The following SLC9A7 variants were observed in gnomAD, a reference collection of about 807,000 sequenced individuals.
SLC9A7 encodes the protein solute carrier family 9 member A7, also known as sodium/hydrogen exchanger 7.
SLC9A7 carries 19 observed loss-of-function variants against 52.6 expected under a neutral mutation model. The observed-to-expected ratio is 0.36, with a 90% CI of 0.25 to 0.53. The LOEUF (loss-of-function observed/expected upper bound fraction) is 0.53. Ranked by LOEUF, SLC9A7 falls within the 20% of genes least tolerant of loss-of-function variation. The pLI, the probability that SLC9A7 is intolerant of heterozygous loss-of-function variation, is 0.91. For missense variants in SLC9A7, 455 were observed against 597.9 expected, an observed-to-expected ratio of 0.76 and a Z score of 2.49; for synonymous variants, 226 against 252.1, an observed-to-expected ratio of 0.90 and a Z score of 0.98.
intron 6 of SLC9A7, among the ~76,000 whole-genome samples, 170 bp from the exon 7 acceptor site, chrX:46,662,327 T>A (rs1680076270): frequency 8.9e-6 from 1 of 112,168 alleles, no homozygotes; most frequent in Admixed American, 9.5e-5. Context: ...TTCATTTAAT[T>A]TAATCTGCAG....
chrX:46,695,270 C>A (rs1944433811), intron 1 of SLC9A7, among the ~76,000 whole-genome samples: 2 of 112,661 alleles, frequency 1.8e-5, no homozygotes, highest in South Asian at 7.2e-4. Context: ...ATGTGCGATC[C>A]TTTTCCAGTA....
chrX:46,664,071 C>T (rs1036734403), intron 5 of SLC9A7, among the ~76,000 whole-genome samples: 2 of 111,548 alleles, frequency 1.8e-5, no homozygotes, highest in African/African-American at 6.5e-5. Flanking sequence ...GGGGCAATAT[C>T]GCCCCTGACT....
chrX:46,676,786 G>A (rs1445779703), intron 3 of SLC9A7, among the ~76,000 whole-genome samples: 4 of 111,085 alleles, frequency 3.6e-5, no homozygotes. Context: ...GATGACCCTG[G>A]CAACCCCAGA....
At chrX:46,636,992 A>G (rs1259428467) in intron 12 of SLC9A7, among the ~76,000 whole-genome samples, 1 of 112,320 alleles carries the variant, frequency 8.9e-6, no homozygotes, top group Admixed American at 9.4e-5. Flanking sequence ...AAAACAAGCC[A>G]GATTCCTTAA....
intron 1 of SLC9A7, among the ~76,000 whole-genome samples, chrX:46,737,341 T>C (rs904868684): frequency 1.8e-5 from 2 of 111,937 alleles, no homozygotes; most frequent in South Asian, 3.7e-4. Flanking sequence ...AGCAATTCAT[T>C]ACAAATTTCT....
At chrX:46,726,240 C>A (rs1944944018) in intron 1 of SLC9A7, among the ~76,000 whole-genome samples, 1 of 110,621 alleles carries the variant, frequency 9.0e-6, no homozygotes, top group African/African-American at 3.3e-5. Context: ...GGTAACAGAG[C>A]AAGACCCTGT....
At chrX:46,757,748 G>C (rs1480218701) in intron 1 of SLC9A7, among the ~76,000 whole-genome samples, 2 of 66,739 alleles carry the variant, frequency 3.0e-5, no homozygotes, top group Admixed American at 3.4e-4. Context: ...GGCAGGGCGA[G>C]GGGGGAGGCA....
chrX:46,716,358 A>G (rs1240219381), intron 1 of SLC9A7, among the ~76,000 whole-genome samples: 3 of 112,115 alleles, frequency 2.7e-5, no homozygotes, highest in Admixed American at 1.9e-4. Context: ...ACAAACATTG[A>G]TAAACCAAGA....
At chrX:46,699,260 A>G (rs993499452) in intron 1 of SLC9A7, among the ~76,000 whole-genome samples, 4 of 112,147 alleles carry the variant, frequency 3.6e-5, no homozygotes, top group African/African-American at 1.3e-4. Flanking sequence ...TAGACATGGA[A>G]AATGTAGTTA....
intron 3 of SLC9A7, among the ~76,000 whole-genome samples, chrX:46,677,282 C>A (rs1944135270): frequency 8.9e-6 from 1 of 111,933 alleles, no homozygotes; most frequent in East Asian, 2.8e-4. Flanking sequence ...CCAACAATTT[C>A]TAGGATCTCT....
intron 1 of SLC9A7, among the ~76,000 whole-genome samples, chrX:46,743,194 G>A (rs1921494984): frequency 8.9e-6 from 1 of 112,104 alleles, no homozygotes. Context: ...AATATAACAG[G>A]CCTGATGTTG....
chrX:46,651,360 T>A lies in SLC9A7; in HGVS notation c.1192A>T (p.Thr398Ser). The A allele has an allele frequency of 1.7e-6, 2 of 1,207,153 alleles. No homozygotes were observed. ...GATTCCACCGACAGATTGTTGTAGGTGTAATGAGCTTGTGTGATTCCACAG... is the reference window on the plus strand; with the variant it reads ...GATTCCACCGACAGATTGTTGTAGGAGTAATGAGCTTGTGTGATTCCACAG... ...LFCGITQAHY[T>S]YNNLSVESRS... is the part of the protein sequence containing the mutation. Residue 398 changes from threonine (T) to serine (S), a missense_variant, in exon 9 of 17, where the codon ACC becomes TCC. Thr to Ser is a moderately conservative substitution (Grantham distance 58). Transcript: ENST00000616978.
At chrX:46,620,912 G>A (rs971519868) in intron 15 of SLC9A7, 65 bp downstream of exon 15, 13 of 839,453 alleles carry the variant, frequency 1.5e-5, no homozygotes, top group Middle Eastern at 5.6e-4. Context: ...GTCATTCACC[G>A]ACAATTCAAC....
chrX:46,714,558 T>C (rs1226216293), intron 1 of SLC9A7, among the ~76,000 whole-genome samples: 1 of 111,539 alleles, frequency 9.0e-6, no homozygotes, highest in Non-Finnish European at 1.9e-5. Context: ...GCCTCCATAC[T>C]TATGGACAAC....
chrX:46,732,383 T>C (rs1036452316), intron 1 of SLC9A7, among the ~76,000 whole-genome samples: 1 of 109,677 alleles, frequency 9.1e-6, no homozygotes, highest in African/African-American at 3.3e-5. Flanking sequence ...AAAACCCCTA[T>C]CTCTACTAAA....
chrX:46,642,170 C>T (rs1943416445), intron 12 of SLC9A7, among the ~76,000 whole-genome samples: 2 of 112,259 alleles, frequency 1.8e-5, no homozygotes, highest in African/African-American at 6.5e-5. Context: ...AGTTTCTTCC[C>T]CCCAACCCCA....
chrX:46,724,656 T>C (rs189508770), intron 1 of SLC9A7, among the ~76,000 whole-genome samples: 1 of 111,524 alleles, frequency 9.0e-6, no homozygotes, highest in African/African-American at 3.3e-5. Flanking sequence ...ATTCCAATAT[T>C]GGACACAGTA....
chrX:46,723,654 TGTAGGACA>T (rs1944898862), intron 1 of SLC9A7, among the ~76,000 whole-genome samples: 1 of 111,650 alleles, frequency 9.0e-6, no homozygotes, highest in Non-Finnish European at 1.9e-5. Flanking sequence ...TTCCTCGGTA[TGTAGGACA>T]GGGGTACAAG....
chrX:46,625,554 A>C (rs1943113192), intron 14 of SLC9A7, among the ~76,000 whole-genome samples: 1 of 110,398 alleles, frequency 9.1e-6, no homozygotes, highest in African/African-American at 3.3e-5. Flanking sequence ...TACTGAAAAT[A>C]CAAAAATTAG....
Sources: allele counts gnomAD v4.1 joint callset (sites outside exome capture counted in the v4.1 genomes callset), GRCh38; gene constraint gnomAD v4.1.1; transcripts MANE v1.5; gene names NCBI Gene and HGNC (gene_info 2026-07-23, HGNC 2026-07-21).